The following DCDC1 variants were observed in gnomAD, a reference collection of about 807,000 sequenced individuals.
DCDC1 encodes the protein doublecortin domain-containing protein 1.
A neutral mutation model predicts 178.3 loss-of-function variants in DCDC1; 200 were observed. The ratio of observed to expected loss-of-function variants is 1.12; its 90% CI spans 1.00 to 1.26. The LOEUF (loss-of-function observed/expected upper bound fraction) is 1.26. Among genes scored for constraint, DCDC1 ranks in the 50% most tolerant of loss-of-function variants. The probability of loss-of-function intolerance (pLI) is 0.00; values close to 1 mark genes in which losing one functional copy is unlikely to be tolerated. For synonymous variants in DCDC1, 690 were observed against 604.8 expected, an observed-to-expected ratio of 1.14 and a Z score of -2.07; for missense variants, 1,983 against 1,749.2, an observed-to-expected ratio of 1.13 and a Z score of -2.38.
At chr11:31,114,537 A>C (rs926011177) in intron 11 of DCDC1, among the ~76,000 whole-genome samples, 3 of 152,148 alleles carry the variant, frequency 2.0e-5, no homozygotes, top group African/African-American at 7.2e-5. Context: ...AGGGAAAACA[A>C]TTGAGCAAAG....
intron 20 of DCDC1, among the ~76,000 whole-genome samples, chr11:30,998,351 G>C: frequency 6.6e-6 from 1 of 152,092 alleles, no homozygotes; most frequent in East Asian, 1.9e-4. Context: ...CTGTTGAAAA[G>C]ACACAGCAGG....
intron 13 of DCDC1, among the ~76,000 whole-genome samples, chr11:31,106,203 T>C (rs1180713629): frequency 1.3e-5 from 2 of 152,236 alleles, no homozygotes; most frequent in Non-Finnish European, 1.5e-5. Context: ...TGTGGGATAA[T>C]GTAAGGTGCT....
chr11:31,244,632 T>G (rs2136924572), intron 8 of DCDC1, among the ~76,000 whole-genome samples: 1 of 151,908 alleles, frequency 6.6e-6, no homozygotes, highest in Admixed American at 6.6e-5. Flanking sequence ...TGGTAAGAAC[T>G]TCTCTTTTGT....
intron 8 of DCDC1, among the ~76,000 whole-genome samples, chr11:31,249,133 T>C (rs1373194949): frequency 6.6e-6 from 1 of 152,108 alleles, no homozygotes; most frequent in African/African-American, 2.4e-5. Context: ...GTTTAAAAAT[T>C]ACATGAATGA....
intron 20 of DCDC1, among the ~76,000 whole-genome samples, chr11:30,964,387 G>T (rs562221334): frequency 6.6e-6 from 1 of 152,232 alleles, no homozygotes; most frequent in South Asian, 2.1e-4. Flanking sequence ...CCCTCAAGAA[G>T]TTCCACTGTC....
chr11:31,261,120 C>T (rs184569583), intron 8 of DCDC1, among the ~76,000 whole-genome samples: 3 of 152,214 alleles, frequency 2.0e-5, no homozygotes, highest in Admixed American at 1.3e-4. Context: ...TGAATGTTAG[C>T]TCTTGCCCAT....
intron 10 of DCDC1, among the ~76,000 whole-genome samples, chr11:31,135,157 T>C (rs965102830): frequency 1.3e-5 from 2 of 152,218 alleles, no homozygotes; most frequent in Non-Finnish European, 2.9e-5. Flanking sequence ...CAGTGGAAGA[T>C]CTAAATCTCA....
At chr11:31,118,518 A>G (rs1160765627) in intron 11 of DCDC1, among the ~76,000 whole-genome samples, 1 of 152,186 alleles carries the variant, frequency 6.6e-6, no homozygotes, top group East Asian at 1.9e-4. Flanking sequence ...AGACTAACAT[A>G]GATGTCAGTC....
chr11:30,955,201 T>C (rs952173734), intron 20 of DCDC1, among the ~76,000 whole-genome samples: 1 of 152,234 alleles, frequency 6.6e-6, no homozygotes, highest in South Asian at 2.1e-4. Context: ...GGCCTGAAGA[T>C]ATAAAAGCTT....
At chr11:30,979,119 G>A (rs1950257409) in intron 20 of DCDC1, among the ~76,000 whole-genome samples, 1 of 149,562 alleles carries the variant, frequency 6.7e-6, no homozygotes, top group African/African-American at 2.5e-5. Context: ...TGGAGAGGGA[G>A]GGACTTCAAG....
chr11:31,039,557 A>G (rs971634599), intron 20 of DCDC1, among the ~76,000 whole-genome samples: 2 of 152,130 alleles, frequency 1.3e-5, no homozygotes, highest in African/African-American at 4.8e-5. Context: ...CGCCAACAAC[A>G]TGGTAGGCAC....
chr11:31,035,526 A>C (rs1438177083), intron 20 of DCDC1, among the ~76,000 whole-genome samples: 1 of 152,236 alleles, frequency 6.6e-6, no homozygotes, highest in Non-Finnish European at 1.5e-5. Flanking sequence ...AACTGAGATT[A>C]CAGATTTAGG....
At chr11:31,020,381 AG>A (rs1234781526) in intron 20 of DCDC1, among the ~76,000 whole-genome samples, 1 of 152,110 alleles carries the variant, frequency 6.6e-6, no homozygotes, top group African/African-American at 2.4e-5. Context: ...CTCATGCTCT[AG>A]AAAATTCTAG....
At chr11:31,296,699 G>A (rs958521846) in intron 6 of DCDC1, among the ~76,000 whole-genome samples, 2 of 152,098 alleles carry the variant, frequency 1.3e-5, no homozygotes, top group African/African-American at 4.8e-5. Flanking sequence ...TGAATAGGAG[G>A]GCCTCAGGAA....
At chr11:31,166,192 T>C (rs992317200) in intron 9 of DCDC1, among the ~76,000 whole-genome samples, 1 of 152,246 alleles carries the variant, frequency 6.6e-6, no homozygotes, top group African/African-American at 2.4e-5. Flanking sequence ...CACTGTTCTA[T>C]ATTATTAGCA....
intron 20 of DCDC1, among the ~76,000 whole-genome samples, chr11:31,030,681 G>A (rs1040687870): frequency 2.0e-5 from 3 of 152,080 alleles, no homozygotes; most frequent in African/African-American, 7.2e-5. Flanking sequence ...ACGGCTTTGC[G>A]GATGTCTGCC....
chr11:31,286,634 T>C (rs1429618842), intron 7 of DCDC1, among the ~76,000 whole-genome samples: 1 of 151,802 alleles, frequency 6.6e-6, no homozygotes, highest in African/African-American at 2.4e-5. Flanking sequence ...ACCAGAAAAG[T>C]CAAAACTTAA....
intron 17 of DCDC1, among the ~76,000 whole-genome samples, chr11:31,085,810 C>A (rs1297231247): frequency 2.0e-5 from 3 of 152,114 alleles, no homozygotes; most frequent in African/African-American, 7.2e-5. Context: ...CAGGCTCAAA[C>A]AATCCTCCTG....
chr11:31,295,460 C>G (rs911168102), intron 6 of DCDC1, among the ~76,000 whole-genome samples: 2 of 152,070 alleles, frequency 1.3e-5, no homozygotes, highest in African/African-American at 4.8e-5. Flanking sequence ...ACAGCTGCAC[C>G]CTTCTGAGAA....
Sources: gnomAD v4.1 joint callset for allele counts (sites outside exome capture counted in the v4.1 genomes callset) on GRCh38, gnomAD v4.1.1 for gene constraint, MANE v1.5 for transcripts, NCBI Gene and HGNC (gene_info 2026-07-23, HGNC 2026-07-21) for gene names.